Variants in CNTN4 observed in about 807,000 individuals in gnomAD.
CNTN4 encodes the protein contactin-4.
CNTN4 carries 77 observed loss-of-function variants against 122.5 expected under a neutral mutation model. The observed-to-expected ratio is 0.63, with a 90% CI of 0.52 to 0.76. The LOEUF (loss-of-function observed/expected upper bound fraction) is 0.76. Among genes scored for constraint, CNTN4 ranks in the 30% least tolerant of loss-of-function variants. The pLI is 0.00. For missense variants in CNTN4, 1,256 were observed against 1,259.1 expected (o/e 1.00, Z 0.04); for synonymous variants, 512 against 447.0 (o/e 1.15, Z -1.83).
At chr3:2,745,245 A>G (rs1455436983) in intron 5 of CNTN4, among the ~76,000 whole-genome samples, 1 of 152,220 alleles carries the variant, frequency 6.6e-6, no homozygotes, top group Non-Finnish European at 1.5e-5. Flanking sequence ...CCTTCAAAAC[A>G]GTGAAGTGTT....
intron 13 of CNTN4, among the ~76,000 whole-genome samples, chr3:2,964,484 A>T (rs1577424769): frequency 6.6e-6 from 1 of 152,208 alleles, no homozygotes; most frequent in South Asian, 2.1e-4. Context: ...CCTAATGTGT[A>T]GTTCAGTGTT....
At chr3:3,021,679 A>G (rs367843330) in intron 14 of CNTN4, among the ~76,000 whole-genome samples, 13 of 152,346 alleles carry the variant, frequency 8.5e-5, no homozygotes, top group African/African-American at 2.9e-4. Flanking sequence ...ACTGTAAATG[A>G]AAGATAAATT....
chr3:2,248,712 G>A (rs896296621), intron 2 of CNTN4, among the ~76,000 whole-genome samples: 18 of 151,946 alleles, frequency 1.2e-4, no homozygotes, highest in African/African-American at 4.3e-4. Flanking sequence ...ACTCTCTTCC[G>A]TTAATACTGA....
intron 2 of CNTN4, among the ~76,000 whole-genome samples, chr3:2,225,461 C>T (rs140220480): frequency 0.022 from 3,412 of 151,980 alleles, 115 homozygotes; most frequent in African/African-American, 0.077. Flanking sequence ...TGCAGTGAGC[C>T]GAGATCGTGC....
At chr3:2,493,902 G>C (rs2151689349) in intron 3 of CNTN4, among the ~76,000 whole-genome samples, 1 of 152,130 alleles carries the variant, frequency 6.6e-6, no homozygotes, top group Non-Finnish European at 1.5e-5. Context: ...TGGCTATCTT[G>C]GACCAAGTGA....
chr3:2,297,915 A>G (rs547556643), intron 2 of CNTN4, among the ~76,000 whole-genome samples: 9 of 152,168 alleles, frequency 5.9e-5, no homozygotes, highest in African/African-American at 2.2e-4. Context: ...AGGTTTTGCT[A>G]GAGACAGGGT....
intron 3 of CNTN4, among the ~76,000 whole-genome samples, chr3:2,480,510 C>A (rs566830814): frequency 6.6e-6 from 1 of 152,164 alleles, no homozygotes; most frequent in Non-Finnish European, 1.5e-5. Flanking sequence ...AAACATAATA[C>A]CATTTATGTT....
At chr3:2,230,662 ATGT>A (rs2039449402) in intron 2 of CNTN4, among the ~76,000 whole-genome samples, 1 of 152,276 alleles carries the variant, frequency 6.6e-6, no homozygotes, top group East Asian at 1.9e-4. Context: ...ATGAATAATA[ATGT>A]TATGTGTCTG....
chr3:2,165,804 G>C (rs1269361882), intron 2 of CNTN4, among the ~76,000 whole-genome samples: 1 of 151,830 alleles, frequency 6.6e-6, no homozygotes, highest in African/African-American at 2.4e-5. Context: ...TCTGTGCCTG[G>C]CTTACTTCAC....
chr3:2,431,164 T>A (rs555199991), intron 3 of CNTN4, among the ~76,000 whole-genome samples: 1 of 152,294 alleles, frequency 6.6e-6, no homozygotes, highest in South Asian at 2.1e-4. Context: ...AATCTAATAT[T>A]CTATCAGTAG....
chr3:2,169,733 C>T (rs922937359), intron 2 of CNTN4, among the ~76,000 whole-genome samples: 2 of 152,132 alleles, frequency 1.3e-5, no homozygotes, highest in African/African-American at 4.8e-5. Flanking sequence ...ATATGAAAAA[C>T]AGTAGTGAAT....
intron 2 of CNTN4, among the ~76,000 whole-genome samples, chr3:2,217,906 A>G (rs901442611): frequency 6.6e-6 from 1 of 152,212 alleles, no homozygotes; most frequent in African/African-American, 2.4e-5. Context: ...GAGAGTGATA[A>G]ATAAATCAAA....
chr3:2,513,711 A>G (rs1336423369), intron 3 of CNTN4, among the ~76,000 whole-genome samples: 2 of 152,260 alleles, frequency 1.3e-5, no homozygotes, highest in East Asian at 1.9e-4. Flanking sequence ...GTTTGCTTCT[A>G]TTACTTTCGG....
intron 4 of CNTN4, among the ~76,000 whole-genome samples, chr3:2,603,456 C>CA (rs905993107): frequency 3.0e-4 from 45 of 152,148 alleles, no homozygotes; most frequent in South Asian, 4.1e-4. Context: ...TTTACAGAAA[C>CA]AAAATCCTAC....
chr3:2,624,677 G>T (rs1298411832), intron 4 of CNTN4, among the ~76,000 whole-genome samples: 2 of 146,658 alleles, frequency 1.4e-5, no homozygotes, highest in African/African-American at 5.1e-5. Flanking sequence ...TGTCTCCCAG[G>T]CTGGAGTGCA....
At chr3:2,433,531 T>C (rs945506245) in intron 3 of CNTN4, among the ~76,000 whole-genome samples, 1 of 152,204 alleles carries the variant, frequency 6.6e-6, no homozygotes, top group Non-Finnish European at 1.5e-5. Context: ...TATTAGCCCT[T>C]TATTAGATGT....
At chr3:2,597,839 G>A (rs539380294) in intron 4 of CNTN4, among the ~76,000 whole-genome samples, 1 of 152,290 alleles carries the variant, frequency 6.6e-6, no homozygotes, top group Non-Finnish European at 1.5e-5. Flanking sequence ...CTAATCATGT[G>A]ACTAGAATGT....
At chr3:2,901,116 T>C (rs1013159615) in intron 11 of CNTN4, among the ~76,000 whole-genome samples, 14 of 152,150 alleles carry the variant, frequency 9.2e-5, no homozygotes, top group Admixed American at 6.5e-5. Flanking sequence ...TGTGCTAAGA[T>C]ACAAAGGAAC....
intron 2 of CNTN4, among the ~76,000 whole-genome samples, chr3:2,145,615 G>T (rs916647462): frequency 6.6e-6 from 1 of 152,188 alleles, no homozygotes; most frequent in Non-Finnish European, 1.5e-5. Context: ...TAGCTTTTAT[G>T]ATTCCACCTC....
Sources: gnomAD v4.1 joint callset for allele counts (sites outside exome capture counted in the v4.1 genomes callset) on GRCh38, gnomAD v4.1.1 for gene constraint, MANE v1.5 for transcripts, NCBI Gene and HGNC (gene_info 2026-07-23, HGNC 2026-07-21) for gene names.